The following IGFBP7 variants were observed in gnomAD, a reference collection of about 807,000 sequenced individuals.
IGFBP7 encodes insulin-like growth factor-binding protein 7.
A neutral mutation model predicts 29.4 loss-of-function variants in IGFBP7; 31 were observed. The observed-to-expected ratio is 1.05, with a 90% CI of 0.79 to 1.42. The LOEUF is 1.42. IGFBP7 is among the 40% of genes most tolerant of loss of function. The probability of loss-of-function intolerance (pLI) is 0.00; values close to 1 mark genes in which losing one functional copy is unlikely to be tolerated. For synonymous variants in IGFBP7, 172 were observed against 174.9 expected (o/e 0.98, Z 0.13); for missense variants, 393 against 395.5 (o/e 0.99, Z 0.05).
intron 2 of IGFBP7, among the ~76,000 whole-genome samples, chr4:57,039,671 G>A (rs1378312550): frequency 2.8e-5 from 4 of 141,988 alleles, no homozygotes; most frequent in Non-Finnish European, 6.0e-5. Context: ...TTTGAGACAG[G>A]CTAGAGTGCA....
intron 1 of IGFBP7, among the ~76,000 whole-genome samples, chr4:57,088,639 T>C (rs866423261): frequency 6.6e-6 from 1 of 152,284 alleles, no homozygotes; most frequent in Middle Eastern, 3.4e-3. Context: ...TGGCAAGCAC[T>C]ATGCTTAGAA....
chr4:57,041,783 C>T (rs1041493083), intron 1 of IGFBP7, among the ~76,000 whole-genome samples: 2 of 152,138 alleles, frequency 1.3e-5, no homozygotes, highest in African/African-American at 4.8e-5. Context: ...AAGTAATTCT[C>T]CTGCCTCAGC....
At chr4:57,054,824 C>T (rs1180891546) in intron 1 of IGFBP7, among the ~76,000 whole-genome samples, 2 of 152,078 alleles carry the variant, frequency 1.3e-5, no homozygotes, top group Non-Finnish European at 2.9e-5. Context: ...ACAATGGGGC[C>T]AGTTCTGCTG....
chr4:57,044,804 T>G (rs970056586), intron 1 of IGFBP7, among the ~76,000 whole-genome samples: 1 of 152,228 alleles, frequency 6.6e-6, no homozygotes, highest in Non-Finnish European at 1.5e-5. Context: ...GCAGATCTAA[T>G]ATATCTGTTC....
chr4:57,072,149 ACCCTCCACTGTCAGGTAGACCC>A (rs557442354), intron 1 of IGFBP7, among the ~76,000 whole-genome samples: 143 of 151,274 alleles, frequency 9.5e-4, no homozygotes, highest in African/African-American at 3.1e-3. Context: ...CCCTCCTCCC[ACCCTCCACTGTCAGGTAGACCC>A]CAGTGTCTGT....
At chr4:57,039,745 C>G (rs1181752147) in intron 2 of IGFBP7, among the ~76,000 whole-genome samples, 1 of 149,028 alleles carries the variant, frequency 6.7e-6, no homozygotes, top group Admixed American at 6.8e-5. Context: ...CCACCTTAGT[C>G]TCCTGAGTAG....
chr4:57,065,610 C>G (rs377477131), intron 1 of IGFBP7: 1 of 152,228 alleles, frequency 6.6e-6, no homozygotes, highest in African/African-American at 2.4e-5. Flanking sequence ...GTCTGAGTTC[C>G]GAGCTAGCGT....
chr4:57,086,985 C>T lies in IGFBP7; in HGVS notation c.475+22892G>A, dbSNP rs531714547. 3.9e-5 allele frequency among the ~76,000 whole-genome samples: 6 copies of T among 152,282 alleles called. No individual in the cohort carries two copies. The South Asian group carries it at 6.2e-4, about 16-fold the overall frequency. On this transcript the variant is annotated intron_variant, in intron 1 of 4. Coordinates refer to ENST00000295666, the MANE Select transcript of IGFBP7 (RefSeq NM_001553.3). Reference sequence around the variant, plus strand: ...CTGACCTCAGGTGATCCACCTGTCTCGGCCTCCCAAAGTGCTGGGACCACA... The same window carrying T: ...CTGACCTCAGGTGATCCACCTGTCTTGGCCTCCCAAAGTGCTGGGACCACA...
At chr4:57,051,524 C>A (rs1396947012) in intron 1 of IGFBP7, among the ~76,000 whole-genome samples, 4 of 152,202 alleles carry the variant, frequency 2.6e-5, no homozygotes, top group African/African-American at 7.2e-5. Flanking sequence ...TGGGACCCTG[C>A]CAAACACTGT....
chr4:57,109,393 T>C (rs1308361340), intron 1 of IGFBP7, among the ~76,000 whole-genome samples: 1 of 152,142 alleles, frequency 6.6e-6, no homozygotes, highest in Non-Finnish European at 1.5e-5. Context: ...ATCGTGCCAC[T>C]GCCCTCCACC....
intron 4 of IGFBP7, 97 bp from the exon 5 acceptor site, chr4:57,031,433 A>G: frequency 1.2e-6 from 1 of 841,134 alleles, no homozygotes; most frequent in Non-Finnish European, 2.0e-6. Context: ...ATAAATGAAG[A>G]TGTTAAAATA....
chr4:57,072,865 C>A, intron 1 of IGFBP7: 1 of 642,544 alleles, frequency 1.6e-6, no homozygotes, highest in Non-Finnish European at 3.0e-6. Flanking sequence ...GCTACCCTTA[C>A]AATGTACCCA....
At chr4:57,109,626 C>T (rs549653506) in intron 1 of IGFBP7, 3 of 552,568 alleles carry the variant, frequency 5.4e-6, no homozygotes, top group Non-Finnish European at 9.4e-6. Context: ...ACATATACAC[C>T]CGGCCCTCAC....
chr4:57,034,171 G>A (rs1724024670), intron 2 of IGFBP7, among the ~76,000 whole-genome samples: 3 of 151,660 alleles, frequency 2.0e-5, no homozygotes, highest in Admixed American at 2.0e-4. Flanking sequence ...AGTTTCTTTG[G>A]TGCAAGGCCA....
At chr4:57,059,155 A>G (rs1724738747) in intron 1 of IGFBP7, among the ~76,000 whole-genome samples, 1 of 152,194 alleles carries the variant, frequency 6.6e-6, no homozygotes, top group South Asian at 2.1e-4. Context: ...TAGGGGTGTA[A>G]ATTAGCTCAA....
intron 1 of IGFBP7, among the ~76,000 whole-genome samples, chr4:57,060,348 C>T (rs1724771452): frequency 6.6e-6 from 1 of 152,110 alleles, no homozygotes; most frequent in African/African-American, 2.4e-5. Flanking sequence ...ACAAGTTTTC[C>T]TTTAGCTTAT....
chr4:57,103,581 C>A (rs1023733766), intron 1 of IGFBP7, among the ~76,000 whole-genome samples: 7 of 151,838 alleles, frequency 4.6e-5, no homozygotes, highest in Admixed American at 4.6e-4. Context: ...ATATGCATTA[C>A]CTCATACACT....
At chr4:57,051,231 G>A (rs763305266) in intron 1 of IGFBP7, among the ~76,000 whole-genome samples, 3 of 152,242 alleles carry the variant, frequency 2.0e-5, no homozygotes, top group Admixed American at 6.5e-5. Flanking sequence ...AGCAGTAACT[G>A]TATGGCTAAT....
At chr4:57,078,888 G>A (rs1197644875) in intron 1 of IGFBP7, among the ~76,000 whole-genome samples, 3 of 152,108 alleles carry the variant, frequency 2.0e-5, no homozygotes, top group African/African-American at 7.2e-5. Flanking sequence ...AAGAGGACCA[G>A]CTCCACCACC....
Sources: gnomAD v4.1 joint callset for allele counts (sites outside exome capture counted in the v4.1 genomes callset) on GRCh38, gnomAD v4.1.1 for gene constraint, MANE v1.5 for transcripts, NCBI Gene and HGNC (gene_info 2026-07-23, HGNC 2026-07-21) for gene names.